The following SPTAN1 variants were observed in gnomAD, a reference collection of about 807,000 sequenced individuals.
The protein encoded by SPTAN1 is spectrin alpha, non-erythrocytic 1, also known as spectrin alpha chain, non-erythrocytic 1.
In SPTAN1, 61 loss-of-function variants were observed where a neutral mutation model predicts 331.3. That is an observed-to-expected ratio of 0.18 (90% CI 0.15 to 0.23). The LOEUF (loss-of-function observed/expected upper bound fraction) is 0.23. Among genes scored for constraint, SPTAN1 ranks in the 10% least tolerant of loss-of-function variants. The pLI is 1.00. For synonymous variants in SPTAN1, 1,153 were observed against 1,173.9 expected, an observed-to-expected ratio of 0.98 and a Z score of 0.36; for missense variants, 2,043 against 3,147.9, an observed-to-expected ratio of 0.65 and a Z score of 8.40.
chr9:128,564,790 A>G (rs1813600063), intron 1 of SPTAN1, among the ~76,000 whole-genome samples: 1 of 152,174 alleles, frequency 6.6e-6, no homozygotes, highest in African/African-American at 2.4e-5. Flanking sequence ...GATATAAATA[A>G]ATAAGCGCTA....
chr9:128,607,920 G>T lies in SPTAN1; in HGVS notation c.4215G>T (p.Leu1405=), dbSNP rs754607337. The T allele has an allele frequency of 5.6e-6, 9 of 1,614,012 alleles. No individual in the cohort carries two copies. In the African/African-American group the frequency reaches 1.1e-4, roughly 19 times the overall value. Reference sequence around the variant, plus strand: ...CATTTGAGCAGTTTGGACAGCAGCTGTTGGCTCACGGACACTATGCCAGCC... The same window carrying T: ...CATTTGAGCAGTTTGGACAGCAGCTTTTGGCTCACGGACACTATGCCAGCC... ...FQAFEQFGQQ[L]LAHGHYASPE... is the part of the protein sequence containing the mutation. Residue 1405 remains leucine, a synonymous_variant, in exon 33 of 57, where the codon CTG becomes CTT. Coordinates refer to ENST00000372739, the MANE Select transcript of SPTAN1 (RefSeq NM_001130438.3).
At chr9:128,593,320 T>C (rs1249366381) in intron 23 of SPTAN1, 1 of 522,498 alleles carries the variant, frequency 1.9e-6, no homozygotes, top group African/African-American at 1.9e-5. Flanking sequence ...GACCAGCCAC[T>C]ATCAGCAGCA....
At chr9:128,619,117 G>T in intron 44 of SPTAN1, 114 bp downstream of exon 44, 1 of 1,499,424 alleles carries the variant, frequency 6.7e-7, no homozygotes, top group Non-Finnish European at 9.1e-7. Flanking sequence ...AGCACACAGG[G>T]CCAGCAGCCA....
chr9:128,585,845 G>C lies in SPTAN1; in HGVS notation c.2658G>C (p.Leu886=), dbSNP rs757022404. ...AAGCTTCCCAGCGTCGGCAGGACCT[G>C]GAGGACTCTCTGCAGGCCCAGCAGT... is the stretch of plus-strand genomic sequence containing the variant. The part of the protein sequence containing the change: ...KAKASQRRQD[L]EDSLQAQQYF... Residue 886 remains leucine (L), a synonymous_variant, in exon 19 of 57, where the codon CTG becomes CTC. Transcript: ENST00000372739. The C allele has an allele frequency of 1.2e-6, 2 of 1,614,188 alleles. No homozygotes were observed. The highest frequency in any genetic ancestry group is 1.7e-6 in the Non-Finnish European group (2 of 1,180,030).
chr9:128,589,386 T>G (rs1853138989), intron 21 of SPTAN1, among the ~76,000 whole-genome samples: 2 of 151,732 alleles, frequency 1.3e-5, no homozygotes, highest in East Asian at 3.9e-4. Context: ...CCTCCTGCGT[T>G]CACCCCATTC....
In SPTAN1 at chr9:128,582,883, G is replaced by A. The variant is rs80262973; in HGVS notation, c.1806+34G>A. 5,016 of 1,609,660 alleles carry A rather than the reference G, an allele frequency of 3.1e-3. 142 individuals are homozygous for A. The East Asian group carries it at 0.052, about 17-fold the overall frequency. On this transcript the variant is annotated intron_variant, in intron 14 of 56. Transcript: ENST00000372739. The stretch of plus-strand genomic sequence containing the variant: ...CTGTTAGTGTTGCCATGTAGCACTC[G>A]ATTAGTAAGCTAAACACAGCTCTCA...
Position 128,598,968 on chromosome 9 carries a change from GT to G in SPTAN1, c.3526del (p.Tyr1176MetfsTer3). The G allele has an allele frequency of 6.2e-7, 1 of 1,613,920 alleles. No individual in the cohort carries two copies. Among genetic ancestry groups the G allele is most frequent in the Non-Finnish European group, 8.5e-7 (1 of 1,179,816 alleles). The stretch of plus-strand genomic sequence containing the variant: ...GTTTCTCTCTCTCCTTGTAGGAAGT[GT>G]ATGGCATGATGCCCAGGGTAAGTTT... ...EVQAVQQQEVYGMMPRDETDS... is the reference protein window; with the variant it reads ...EVQAVQQQEVXGMMPRDETDS... On this transcript the variant is annotated frameshift_variant, in exon 26 of 57. Coordinates refer to ENST00000372739, the MANE Select transcript of SPTAN1 (RefSeq NM_001130438.3). LOFTEE classifies it high-confidence loss of function.
intron 12 of SPTAN1, 133 bp downstream of exon 12, chr9:128,582,025 C>T: frequency 1.4e-6 from 1 of 733,934 alleles, no homozygotes; most frequent in Non-Finnish European, 2.4e-6. Flanking sequence ...TAAACTTTCA[C>T]AAGGATGACA....
At chr9:128,581,917 T>TG (rs1391318856) in intron 12 of SPTAN1, 25 bp downstream of exon 12, 3 of 1,507,758 alleles carry the variant, frequency 2.0e-6, no homozygotes, top group Admixed American at 1.7e-5. Flanking sequence ...TGTCAGTGCT[T>TG]TCAAATGACC....
Position 128,585,983 on chromosome 9 carries a change from G to A in SPTAN1, c.2778+18G>A, listed in dbSNP as rs372896131. 55 of 1,611,068 alleles carry A rather than the reference G, an allele frequency of 3.4e-5. No homozygotes were observed. In the African/African-American group the frequency reaches 7.1e-4, roughly 21 times the overall value. On this transcript the variant is annotated intron_variant, in intron 19 of 56. Coordinates refer to ENST00000372739, the MANE Select transcript of SPTAN1 (RefSeq NM_001130438.3). Reference sequence around the variant, plus strand: ...CTGCTGAGGTAACCAGGCGTGGGAAGCGTCTCACCTGCCAGGGAAGTGGAA... The same window carrying A: ...CTGCTGAGGTAACCAGGCGTGGGAAACGTCTCACCTGCCAGGGAAGTGGAA...
intron 2 of SPTAN1, among the ~76,000 whole-genome samples, chr9:128,568,407 A>C (rs75351362): frequency 0.028 from 4,291 of 152,262 alleles, 209 homozygotes; most frequent in African/African-American, 0.097. Context: ...ATGTTGAGAA[A>C]ACTGTTGGTA....
rs1413933844 is a variant in SPTAN1 at position 128,584,579 on chromosome 9, A to G, written c.2437+54A>G. The G allele has an allele frequency of 3.7e-6, 6 of 1,613,934 alleles. No homozygotes were observed. In the Admixed American group the frequency reaches 1.0e-4, roughly 27 times the overall value. On this transcript the variant is annotated intron_variant, in intron 17 of 56. Transcript: ENST00000372739. The stretch of plus-strand genomic sequence containing the variant: ...AACTTGGGAAAGGCTGTGCTATTGT[A>G]GCATAAAGGGGATGCATGTCAGGAT...
rs757586939 is a variant in SPTAN1, at chr9:128,607,736, G to C, written c.4146+33G>C. 40 of 1,610,862 alleles carry C rather than the reference G, an allele frequency of 2.5e-5. No individual in the cohort carries two copies. In the Admixed American group the frequency reaches 5.3e-4, roughly 21 times the overall value. ...GACCTGCCTGCTGAGTAGCAAAGAC[G>C]TGGCTGCTCTGCAGGGCCCTAGAGG... On this transcript the variant is annotated intron_variant, in intron 32 of 56. Transcript: ENST00000372739.
At chr9:128,593,306 G>A in intron 23 of SPTAN1, 1 of 546,846 alleles carries the variant, frequency 1.8e-6, no homozygotes, top group South Asian at 1.9e-5. Flanking sequence ...TGGTTTTTGT[G>A]GTGGACCAGC....
intron 26 of SPTAN1, chr9:128,599,831 T>C (rs1404122510): frequency 1.8e-6 from 1 of 560,718 alleles, no homozygotes; most frequent in Admixed American, 3.2e-5. Context: ...TAAATTTCTT[T>C]ATTCTCTCCA....
At chr9:128,631,871 TG>T (rs1859798148) in intron 52 of SPTAN1, 1 of 540,962 alleles carries the variant, frequency 1.8e-6, no homozygotes, top group East Asian at 3.2e-5. Flanking sequence ...TCGCCGTACT[TG>T]TCCTTGGCGT....
intron 1 of SPTAN1, chr9:128,555,360 C>T: frequency 7.8e-7 from 1 of 1,289,262 alleles, no homozygotes; most frequent in South Asian, 1.2e-5. Flanking sequence ...CTCCACATTC[C>T]TCCATCATGT....
chr9:128,617,842 C>T, intron 42 of SPTAN1, 82 bp downstream of exon 42: 1 of 1,611,548 alleles, frequency 6.2e-7, no homozygotes, highest in Non-Finnish European at 8.5e-7. Flanking sequence ...GCGCTTATTT[C>T]ACTGAGGTCC....
intron 1 of SPTAN1, among the ~76,000 whole-genome samples, chr9:128,561,399 C>T (rs1423557540): frequency 6.7e-6 from 1 of 148,980 alleles, no homozygotes; most frequent in Non-Finnish European, 1.5e-5. Flanking sequence ...CGCGGTGGCT[C>T]ACGCCTGTAA....
Sources: allele counts gnomAD v4.1 joint callset (sites outside exome capture counted in the v4.1 genomes callset), GRCh38; gene constraint gnomAD v4.1.1; transcripts MANE v1.5; gene names NCBI Gene and HGNC (gene_info 2026-07-23, HGNC 2026-07-21).